The following ENPP3 variants were observed in gnomAD, a reference collection of about 807,000 sequenced individuals.
ENPP3 encodes ectonucleotide pyrophosphatase/phosphodiesterase family member 3.
Under a neutral mutation model 117.8 loss-of-function variants are expected in ENPP3, and 104 were observed. The observed-to-expected ratio is 0.88, with a 90% CI of 0.75 to 1.04. The LOEUF (loss-of-function observed/expected upper bound fraction) is 1.04, where lower values mean the gene tolerates loss of function less well. ENPP3 is among the 50% of genes least tolerant of loss of function. The pLI, the probability that ENPP3 is intolerant of heterozygous loss-of-function variation, is 0.00. For missense variants in ENPP3, 1,026 were observed against 1,051.9 expected, an observed-to-expected ratio of 0.98 and a Z score of 0.34; for synonymous variants, 380 against 349.9, an observed-to-expected ratio of 1.09 and a Z score of -0.96.
rs182615042 is a variant in ENPP3 at position 131,678,057 on chromosome 6, C to T, written c.1011+117C>T. 1.1e-3 allele frequency: 646 copies of T among 578,120 alleles called. 1 individual carries two copies. Among genetic ancestry groups the T allele is most frequent in the Non-Finnish European group, 1.7e-3 (569 of 325,496 alleles). The allele number at this position is 578,120 out of a possible 1,614,324, so 35.8% of individuals were successfully genotyped here. A position where few individuals can be genotyped will look rare whatever the true frequency, so the allele number is the denominator to read the frequency against. ...AGCACAAATGTATTTGATACATACA[C>T]AAGAAGATCAAAATAGTTAAAGGTA... On this transcript the variant is annotated intron_variant, in intron 11 of 24. Transcript: ENST00000357639.
At chr6:131,728,123 A>G (rs1378973032) in intron 20 of ENPP3, among the ~76,000 whole-genome samples, 1 of 152,206 alleles carries the variant, frequency 6.6e-6, no homozygotes, top group African/African-American at 2.4e-5. Flanking sequence ...TTGGTGCAAC[A>G]TTACTTTCTT....
At chr6:131,719,129 C>A (rs1779959655) in intron 16 of ENPP3, among the ~76,000 whole-genome samples, 1 of 151,782 alleles carries the variant, frequency 6.6e-6, no homozygotes, top group Non-Finnish European at 1.5e-5. Context: ...TTTTGGGGTA[C>A]CCTGGGGGGC....
intron 15 of ENPP3, among the ~76,000 whole-genome samples, chr6:131,694,277 A>G (rs17060555): frequency 0.034 from 5,117 of 152,246 alleles, 272 homozygotes; most frequent in African/African-American, 0.12. Context: ...TATGCTTGCC[A>G]TGTATGCACC....
chr6:131,669,409 A>G (rs1778690922), intron 6 of ENPP3, among the ~76,000 whole-genome samples: 1 of 152,126 alleles, frequency 6.6e-6, no homozygotes, highest in African/African-American at 2.4e-5. Context: ...ACAGGGGCTT[A>G]CATCTATAAT....
intron 2 of ENPP3, among the ~76,000 whole-genome samples, chr6:131,643,695 T>G (rs1364601820): frequency 6.6e-6 from 1 of 152,184 alleles, no homozygotes; most frequent in East Asian, 1.9e-4. Context: ...GTGCATGTTC[T>G]TACAGATTTA....
chr6:131,726,127 A>G lies in ENPP3; in HGVS notation c.1880A>G (p.His627Arg). ...QKNVDHCLLY[H>R]REYVSGFGKA... ...AACGTGGACCACTGTCTCCTTTACCACAGGGAATATGTCAGTGGATTTGGA... is the reference window on the plus strand; with the variant it reads ...AACGTGGACCACTGTCTCCTTTACCGCAGGGAATATGTCAGTGGATTTGGA... Residue 627 changes from histidine (H) to arginine (R), a missense_variant, in exon 20 of 25, where the codon CAC (histidine) becomes CGC (arginine). Transcript: ENST00000357639. 1.9e-6 allele frequency: 3 copies of G among 1,613,692 alleles called. No individual in the cohort carries two copies. Among genetic ancestry groups the G allele is most frequent in the Non-Finnish European group, 2.5e-6 (3 of 1,179,604 alleles).
chr6:131,678,088 G>A (rs893007726), intron 11 of ENPP3, 148 bp downstream of exon 11: 5 of 513,814 alleles, frequency 9.7e-6, no homozygotes, highest in African/African-American at 9.6e-5. Flanking sequence ...AGGTATAAAA[G>A]GGATGCCATG....
At chr6:131,731,430 A>C (rs981275010) in intron 20 of ENPP3, among the ~76,000 whole-genome samples, 1 of 152,182 alleles carries the variant, frequency 6.6e-6, no homozygotes, top group Non-Finnish European at 1.5e-5. Context: ...AATCTGACTC[A>C]GCATATACAA....
At chr6:131,735,658 GA>G (rs1452077926) in intron 21 of ENPP3, among the ~76,000 whole-genome samples, 2 of 152,100 alleles carry the variant, frequency 1.3e-5, no homozygotes, top group South Asian at 4.1e-4. Context: ...TATTATAATA[GA>G]AAATTCATAT....
chr6:131,663,236 T>G (rs1778540610), intron 6 of ENPP3, among the ~76,000 whole-genome samples: 2 of 151,916 alleles, frequency 1.3e-5, no homozygotes, highest in Admixed American at 1.3e-4. Flanking sequence ...TGGAAAAATT[T>G]TCACCATTGA....
At chr6:131,661,705 A>G (rs1197741949) in intron 6 of ENPP3, among the ~76,000 whole-genome samples, 4 of 152,232 alleles carry the variant, frequency 2.6e-5, no homozygotes, top group Non-Finnish European at 5.9e-5. Flanking sequence ...CTTTGAAGAA[A>G]TATCTATTTA....
rs1050447028 is a variant in ENPP3 at position 131,650,051 on chromosome 6, A to G, written c.179A>G (p.Asp60Gly). 8.1e-6 allele frequency: 13 copies of G among 1,613,996 alleles called. No homozygotes were observed. The South Asian group carries it at 8.8e-5, about 11-fold the overall frequency. The change falls in exon 3 of 25, where the codon GAT (aspartate) becomes GGT (glycine). Residue 60 changes from aspartate to glycine, a missense_variant. Coordinates refer to ENST00000357639, the MANE Select transcript of ENPP3 (RefSeq NM_005021.5). ...GGCAGCTGCAGGAAGAAGTGCTTTG[A>G]TGCATCATTTAGAGGACTGGAGAAC... ...KQGSCRKKCF[D>G]ASFRGLENCR...
At position 131,693,559 on chromosome 6, in the gene ENPP3, C is replaced by T; in HGVS notation, c.1347C>T (p.His449=). ...YLTPDLPKRL[H]YAKNVRIDKV... is the part of the protein sequence containing the mutation. Reference sequence around the variant, plus strand: ...CTCCTGATTTGCCAAAGCGACTGCACTATGCCAAGAACGTCAGAATCGACA... The same window carrying T: ...CTCCTGATTTGCCAAAGCGACTGCATTATGCCAAGAACGTCAGAATCGACA... The change falls in exon 15 of 25, where the codon CAC becomes CAT. Residue 449 remains histidine, a synonymous_variant. Coordinates refer to ENST00000357639, the MANE Select transcript of ENPP3 (RefSeq NM_005021.5). 1.2e-6 allele frequency: 2 copies of T among 1,613,902 alleles called. No homozygotes were observed. Among genetic ancestry groups the T allele is most frequent in the South Asian group, 2.2e-5 (2 of 91,034 alleles).
intron 16 of ENPP3, among the ~76,000 whole-genome samples, chr6:131,718,981 C>G (rs1779956686): frequency 6.6e-6 from 1 of 151,956 alleles, no homozygotes; most frequent in Non-Finnish European, 1.5e-5. Context: ...TAAGATCCTG[C>G]CCTCACGAAG....
At chr6:131,672,267 T>A (rs1413069031) in intron 7 of ENPP3, among the ~76,000 whole-genome samples, 1 of 152,194 alleles carries the variant, frequency 6.6e-6, no homozygotes, top group African/African-American at 2.4e-5. Context: ...TTTCACAATC[T>A]CACTGTCTAT....
chr6:131,732,090 A>G (rs1386349539), intron 20 of ENPP3, among the ~76,000 whole-genome samples: 1 of 152,220 alleles, frequency 6.6e-6, no homozygotes, highest in Non-Finnish European at 1.5e-5. Context: ...GGTTTCAGAC[A>G]ACATAGCTAA....
chr6:131,639,459 A>G (rs540791356), intron 1 of ENPP3, among the ~76,000 whole-genome samples: 2 of 151,980 alleles, frequency 1.3e-5, no homozygotes, highest in South Asian at 4.2e-4. Context: ...TAGCTTATCA[A>G]TTCAGGAAAT....
At chr6:131,672,511 G>T (rs1416944155) in intron 7 of ENPP3, among the ~76,000 whole-genome samples, 1 of 152,012 alleles carries the variant, frequency 6.6e-6, no homozygotes, top group African/African-American at 2.4e-5. Flanking sequence ...ATAAAAGAAG[G>T]TTATGTGTTG....
intron 14 of ENPP3, among the ~76,000 whole-genome samples, chr6:131,691,760 A>G (rs1225545529): frequency 1.3e-5 from 2 of 152,152 alleles, no homozygotes; most frequent in Non-Finnish European, 2.9e-5. Flanking sequence ...GGAAAGTGTG[A>G]CAATTACACA....
Sources: gnomAD v4.1 joint callset for allele counts (sites outside exome capture counted in the v4.1 genomes callset) on GRCh38, gnomAD v4.1.1 for gene constraint, MANE v1.5 for transcripts, NCBI Gene and HGNC (gene_info 2026-07-23, HGNC 2026-07-21) for gene names.